EPM2A: variants seen among roughly 807,000 people sequenced by gnomAD.
EPM2A encodes laforin.
EPM2A carries 21 observed loss-of-function variants against 26.5 expected under a neutral mutation model. The observed-to-expected ratio is 0.79, with a 90% CI of 0.56 to 1.14. The LOEUF (loss-of-function observed/expected upper bound fraction) is 1.14, where lower values mean the gene tolerates loss of function less well. Ranked by LOEUF, EPM2A falls within the 50% of genes most tolerant of loss-of-function variation. EPM2A has a pLI of 0.00. For missense variants in EPM2A, 458 were observed against 440.8 expected, an observed-to-expected ratio of 1.04 and a Z score of -0.35; for synonymous variants, 217 against 177.6, an observed-to-expected ratio of 1.22 and a Z score of -1.76.
At chr6:145,709,337 A>T (rs1481274795) in intron 1 of EPM2A, among the ~76,000 whole-genome samples, 1 of 152,198 alleles carries the variant, frequency 6.6e-6, no homozygotes, top group East Asian at 1.9e-4. Context: ...AGCTCCCATA[A>T]TTCCCATATC....
chr6:145,702,774 T>C (rs1426252054), intron 1 of EPM2A, among the ~76,000 whole-genome samples: 2 of 152,234 alleles, frequency 1.3e-5, no homozygotes, highest in African/African-American at 2.4e-5. Context: ...CTTGGGCTTA[T>C]GTGTTTCCAA....
At chr6:145,585,132 AT>A (rs1350747518) in intron 2 of EPM2A, among the ~76,000 whole-genome samples, 1 of 151,744 alleles carries the variant, frequency 6.6e-6, no homozygotes, top group Non-Finnish European at 1.5e-5. Flanking sequence ...TGCTTTTAAG[AT>A]TTTTTTCTTT....
chr6:145,503,603 C>G (rs1384981509), intron 2 of EPM2A, among the ~76,000 whole-genome samples: 2 of 92,362 alleles, frequency 2.2e-5, no homozygotes, highest in African/African-American at 9.4e-5. Flanking sequence ...AGGACACAAA[C>G]AAATGGAAGA....
chr6:145,421,079 G>A (rs1778775151), intron 4 of EPM2A, among the ~76,000 whole-genome samples: 1 of 152,166 alleles, frequency 6.6e-6, no homozygotes, highest in Admixed American at 6.6e-5. Context: ...ATTGACCTAA[G>A]CAAATTCTTT....
intron 1 of EPM2A, among the ~76,000 whole-genome samples, chr6:145,725,930 A>G (rs1583134285): frequency 6.6e-6 from 1 of 152,108 alleles, no homozygotes; most frequent in African/African-American, 2.4e-5. Context: ...ATATAAATGT[A>G]TATTTCTTTG....
intron 2 of EPM2A, among the ~76,000 whole-genome samples, chr6:145,522,807 C>A (rs1399251002): frequency 6.6e-6 from 1 of 152,002 alleles, no homozygotes; most frequent in Non-Finnish European, 1.5e-5. Context: ...CACAATCACC[C>A]ATGTTGAACT....
chr6:145,663,191 C>A (rs1002491988), intron 2 of EPM2A, among the ~76,000 whole-genome samples: 1 of 152,064 alleles, frequency 6.6e-6, no homozygotes, highest in African/African-American at 2.4e-5. Context: ...TAAACATGTC[C>A]AACTGGGGGG....
At chr6:145,734,690 T>A (rs886952188) in intron 1 of EPM2A, 2 of 152,238 alleles carry the variant, frequency 1.3e-5, no homozygotes, top group African/African-American at 4.8e-5. Context: ...GGGTTTTTTT[T>A]AGTGAATTAG....
intron 4 of EPM2A, among the ~76,000 whole-genome samples, chr6:145,460,966 T>C (rs1291409777): frequency 6.6e-6 from 1 of 152,160 alleles, no homozygotes; most frequent in Non-Finnish European, 1.5e-5. Context: ...AATGGAGAAC[T>C]GGTAATTAGT....
chr6:145,596,077 AG>A (rs571785917), intron 2 of EPM2A, among the ~76,000 whole-genome samples: 11 of 152,240 alleles, frequency 7.2e-5, no homozygotes, highest in Non-Finnish European at 1.6e-4. Flanking sequence ...TTAAAAGTCA[AG>A]GAAGTATGTT....
At chr6:145,415,880 T>C (rs975721777) in intron 4 of EPM2A, among the ~76,000 whole-genome samples, 5 of 152,174 alleles carry the variant, frequency 3.3e-5, no homozygotes, top group Admixed American at 6.5e-5. Flanking sequence ...TGCTTATGCT[T>C]CTCTGACCCC....
Position 145,626,477 on chromosome 6 carries a change from C to T in EPM2A, c.*939G>A, listed in dbSNP as rs1228906780. ...GCTTGCACAAAATACAACTAATTTC[C>T]TAGATTCTTTGGCAACTGATCAGAA... On this transcript the variant is annotated 3_prime_UTR_variant, in exon 4 of 4. Coordinates refer to ENST00000367519, the MANE Select transcript of EPM2A (RefSeq NM_005670.4). 1 of 985,738 alleles carries T rather than the reference C, an allele frequency of 1.0e-6. No homozygotes were observed. Among genetic ancestry groups the T allele is most frequent in the Admixed American group, 6.2e-5 (1 of 16,260 alleles). The allele number at this position is 985,738 out of a possible 1,614,324, so 61.1% of individuals were successfully genotyped here.
chr6:145,723,901 C>T (rs542004536), intron 1 of EPM2A, among the ~76,000 whole-genome samples: 5 of 152,134 alleles, frequency 3.3e-5, no homozygotes, highest in Middle Eastern at 3.4e-3. Flanking sequence ...GGATGCATAA[C>T]GTAAACTTTG....
At chr6:145,404,333 T>C (rs1021756523) in intron 4 of EPM2A, among the ~76,000 whole-genome samples, 4 of 152,130 alleles carry the variant, frequency 2.6e-5, no homozygotes, top group African/African-American at 9.7e-5. Context: ...ATACCCTTTG[T>C]CCATTTTAAA....
intron 2 of EPM2A, among the ~76,000 whole-genome samples, chr6:145,579,965 C>T (rs1018426216): frequency 6.6e-6 from 1 of 151,992 alleles, no homozygotes; most frequent in Admixed American, 6.6e-5. Flanking sequence ...ATTATAATAG[C>T]ATACTTTCAT....
chr6:145,551,909 G>C (rs757873272), intron 2 of EPM2A, among the ~76,000 whole-genome samples: 1 of 151,030 alleles, frequency 6.6e-6, no homozygotes, highest in Non-Finnish European at 1.5e-5. Flanking sequence ...AAAGAGCAAG[G>C]CATAGTAAAG....
chr6:145,534,371 T>A (rs1264849727), intron 2 of EPM2A, among the ~76,000 whole-genome samples: 2 of 152,194 alleles, frequency 1.3e-5, no homozygotes, highest in Non-Finnish European at 2.9e-5. Context: ...TCAAGACAAT[T>A]CAGAAAGTTT....
intron 2 of EPM2A, among the ~76,000 whole-genome samples, chr6:145,575,277 C>T (rs1222082671): frequency 6.6e-6 from 1 of 152,152 alleles, no homozygotes; most frequent in Non-Finnish European, 1.5e-5. Flanking sequence ...TCAGTGTTCC[C>T]AGTTTCATCA....
chr6:145,614,502 A>G (rs566526602), intron 2 of EPM2A, among the ~76,000 whole-genome samples: 1 of 152,352 alleles, frequency 6.6e-6, no homozygotes, highest in African/African-American at 2.4e-5. Context: ...GGCTTTCAAA[A>G]TGTCTTCCTC....
Sources: allele counts gnomAD v4.1 joint callset (sites outside exome capture counted in the v4.1 genomes callset), GRCh38; gene constraint gnomAD v4.1.1; transcripts MANE v1.5; gene names NCBI Gene and HGNC (gene_info 2026-07-23, HGNC 2026-07-21).